Variants in VPS13D observed in about 807,000 individuals in gnomAD.
VPS13D encodes the protein vacuolar protein sorting 13 homolog D.
In VPS13D, 187 loss-of-function variants were observed where a neutral mutation model predicts 461.9. The observed-to-expected ratio is 0.40, with a 90% CI of 0.36 to 0.46. VPS13D has a LOEUF of 0.46. VPS13D is among the 20% of genes least tolerant of loss of function. The pLI, the probability that VPS13D is intolerant of heterozygous loss-of-function variation, is 0.60. For synonymous variants in VPS13D, 1,951 were observed against 1,986.3 expected (o/e 0.98, Z 0.47); for missense variants, 4,711 against 5,364.9 (o/e 0.88, Z 3.81).
chr1:12,345,487 A>T lies in VPS13D; in HGVS notation c.8999A>T (p.Asp3000Val). 6.2e-7 allele frequency: 1 copy of T among 1,613,330 alleles called. No individual in the cohort carries two copies. The highest frequency in any genetic ancestry group is 1.3e-5 in the African/African-American group (1 of 75,044). ...VGTFFRYAAP[D>V]KNSSSSTIGS... is the part of the protein sequence containing the mutation. ...ACCTTTTTTCGATATGCAGCACCAG[A>T]TAAAAATTCATCTTCCTCTACGGTG... Residue 3000 changes from aspartate (D) to valine (V), a missense_variant, in exon 43 of 70, where the codon GAT (aspartate) becomes GTT (valine). By Grantham distance (152) the Asp-to-Val change is radical. Around this residue, in one of 3 missense-constraint regions of VPS13D, gnomAD observed 4,411 missense variants for 4,937.8 expected, o/e 0.89. Coordinates refer to ENST00000620676, the MANE Select transcript of VPS13D (RefSeq NM_015378.4).
chr1:12,252,451 G>A (rs1640764713), intron 6 of VPS13D, among the ~76,000 whole-genome samples: 1 of 152,098 alleles, frequency 6.6e-6, no homozygotes, highest in African/African-American at 2.4e-5. Flanking sequence ...CCATATCCAT[G>A]GATTCCACCA....
At chr1:12,482,791 T>TATATGTATACATAGTATAC (rs1475844842) in intron 67 of VPS13D, among the ~76,000 whole-genome samples, 4 of 150,296 alleles carry the variant, frequency 2.7e-5, no homozygotes, top group African/African-American at 9.8e-5. Flanking sequence ...ATAGTATACA[T>TATATGTATACATAGTATAC]ATATATATAC....
chr1:12,490,240 C>T (rs1645858337), intron 67 of VPS13D, among the ~76,000 whole-genome samples: 1 of 152,182 alleles, frequency 6.6e-6, no homozygotes, highest in Admixed American at 6.5e-5. Context: ...GTCAGTAATT[C>T]CATTTAAGAA....
intron 2 of VPS13D, 59 bp from the exon 3 acceptor site, chr1:12,242,454 A>T: frequency 6.9e-7 from 1 of 1,457,594 alleles, no homozygotes; most frequent in Non-Finnish European, 9.6e-7. Context: ...CTTTACACAC[A>T]GTAGGTGGCC....
chr1:12,362,609 C>G, intron 50 of VPS13D, 111 bp from the exon 51 acceptor site: 2 of 1,050,256 alleles, frequency 1.9e-6, no homozygotes, highest in South Asian at 3.1e-5. Flanking sequence ...CTGGGTGATA[C>G]AGTTATTTTC....
intron 26 of VPS13D, 94 bp downstream of exon 26, chr1:12,304,822 AT>A (rs1642518026): frequency 1.6e-6 from 2 of 1,230,982 alleles, no homozygotes. Flanking sequence ...GTTCAAGCAA[AT>A]GTTAACGAAG....
In VPS13D at chr1:12,369,691, T is replaced by C. The variant is rs765359936; in HGVS notation, c.10797T>C (p.Tyr3599=). 3 of 1,613,834 alleles carry C rather than the reference T, an allele frequency of 1.9e-6. No individual in the cohort carries two copies. The highest frequency in any genetic ancestry group is 4.5e-5 in the East Asian group (2 of 44,890). ...YENFIYIAAT[Y]TFSGLQEGTG... is the part of the protein sequence containing the mutation. ...ATTTCATTTACATTGCTGCTACATA[T>C]ACATTCTCTGGGTAATTCTTGATTA... Residue 3599 remains tyrosine (Y), a synonymous_variant, in exon 54 of 70, where the codon TAT becomes TAC. Transcript: ENST00000620676.
chr1:12,450,247 T>C (rs1645245407), intron 65 of VPS13D, among the ~76,000 whole-genome samples: 1 of 152,180 alleles, frequency 6.6e-6, no homozygotes, highest in Non-Finnish European at 1.5e-5. Flanking sequence ...GGGTAAGATT[T>C]GATTCCTTTG....
intron 43 of VPS13D, among the ~76,000 whole-genome samples, 193 bp downstream of exon 43, chr1:12,345,702 C>G (rs1643660390): frequency 6.6e-6 from 1 of 152,146 alleles, no homozygotes; most frequent in South Asian, 2.1e-4. Flanking sequence ...AGTAGAAAAA[C>G]AAGATTTAAA....
At chr1:12,338,047 A>C in intron 39 of VPS13D, 184 bp from the exon 40 acceptor site, 2 of 520,004 alleles carry the variant, frequency 3.8e-6, no homozygotes, top group Non-Finnish European at 3.4e-6. Flanking sequence ...ACTAGCATAA[A>C]AATGTGTTCA....
intron 2 of VPS13D, among the ~76,000 whole-genome samples, chr1:12,237,984 C>T (rs376815858): frequency 4.0e-5 from 6 of 151,804 alleles, no homozygotes; most frequent in African/African-American, 9.7e-5. Context: ...GATGAAACCC[C>T]GTCTGTACTA....
Position 12,260,945 on chromosome 1 carries a change from CAG to C in VPS13D, c.1213_1214del. On this transcript the variant is annotated splice_acceptor_variant, in intron 11 of 69. Coordinates refer to ENST00000620676, the MANE Select transcript of VPS13D (RefSeq NM_015378.4). LOFTEE classifies it high-confidence loss of function. ...CATCTCTGCTCCTTTGTGATTGACA[CAG>C]AGTCTGCGGGAGCCTCAGTTTGATT... 6.2e-7 allele frequency: 1 copy of C among 1,614,018 alleles called. No individual in the cohort carries two copies. Among genetic ancestry groups the C allele is most frequent in the South Asian group, 1.1e-5 (1 of 91,074 alleles).
intron 13 of VPS13D, among the ~76,000 whole-genome samples, chr1:12,264,988 G>T (rs1641223915): frequency 6.6e-6 from 1 of 151,982 alleles, no homozygotes; most frequent in Admixed American, 6.6e-5. Flanking sequence ...AAATCCCAGG[G>T]CCCTTAAGAA....
chr1:12,305,318 A>G (rs1309403216), intron 26 of VPS13D, among the ~76,000 whole-genome samples: 1 of 151,802 alleles, frequency 6.6e-6, no homozygotes, highest in Admixed American at 6.6e-5. Context: ...ACTGTCTCCC[A>G]GGCTAGAGTG....
rs187404826 is a variant in VPS13D at position 12,285,270 on chromosome 1, T to G, written c.5634+1534T>G. ...TGCTGAAGTATTTTATTTTATGTAT[T>G]TATTTATTTATTTATTTATTTATTT... On this transcript the variant is annotated intron_variant, in intron 21 of 69. Transcript: ENST00000620676. Among the ~76,000 whole-genome samples, 286 of 140,436 alleles carry G rather than the reference T, an allele frequency of 2.0e-3. 3 individuals are homozygous for G. The highest frequency in any genetic ancestry group is 3.9e-3 in the African/African-American group (143 of 36,642). 92.1% of individuals were successfully genotyped at this position (140,436 alleles called of 152,430 possible).
chr1:12,254,587 A>T (rs1023797843), intron 7 of VPS13D, among the ~76,000 whole-genome samples: 2 of 122,962 alleles, frequency 1.6e-5, no homozygotes, highest in Non-Finnish European at 3.1e-5. Context: ...GCAGTGGCGT[A>T]ATCTTGGCTC....
rs1641830076 is a variant in VPS13D, at chr1:12,282,889, A to G, written c.4787A>G (p.His1596Arg). 1.2e-6 allele frequency: 2 copies of G among 1,613,970 alleles called. No individual in the cohort carries two copies. Among genetic ancestry groups the G allele is most frequent in the South Asian group, 1.1e-5 (1 of 91,082 alleles). The change falls in exon 21 of 70, where the codon CAC becomes CGC. Residue 1596 changes from histidine to arginine, a missense_variant. Transcript: ENST00000620676. ...VERKENGLFS[H>R]SSLSNTSQKS... ...AGGAAGGAGAATGGATTGTTCAGCC[A>G]CTCCAGCCTTTCTAACACCTCTCAG...
rs751284276 is a variant in VPS13D at position 12,349,109 on chromosome 1, A to G, written c.9221-55A>G. 8.0e-5 allele frequency: 129 copies of G among 1,611,742 alleles called. 1 individual carries two copies. In the Middle Eastern group the frequency reaches 1.2e-3, roughly 15 times the overall value. ...GTCTTCTTTTGTCCTGAGATGGTCA[A>G]TCTTTGGGGTGGAGGACCATTGCCT... On this transcript the variant is annotated intron_variant, in intron 45 of 69. Coordinates refer to ENST00000620676, the MANE Select transcript of VPS13D (RefSeq NM_015378.4).
chr1:12,267,911 C>T lies in VPS13D; in HGVS notation c.1792C>T (p.His598Tyr). The T allele has an allele frequency of 6.2e-7, 1 of 1,613,510 alleles. No individual in the cohort carries two copies. Among genetic ancestry groups the T allele is most frequent in the South Asian group, 1.1e-5 (1 of 90,970 alleles). The stretch of plus-strand genomic sequence containing the variant: ...AACTACATCTGCAGACAGAAGTGAT[C>T]ATTACCCAGGTAATTTGTCCTATGT... ...LQTTSADRSD[H>Y]YPAADPDGPV... The change falls in exon 15 of 70, where the codon CAT (histidine) becomes TAT (tyrosine). Residue 598 changes from histidine (H) to tyrosine (Y), a missense_variant. Transcript: ENST00000620676.
Sources: gnomAD v4.1 joint callset for allele counts (sites outside exome capture counted in the v4.1 genomes callset) on GRCh38, gnomAD v4.1.1 for gene constraint, gnomAD v4.1.1 regional missense constraint, MANE v1.5 for transcripts, NCBI Gene and HGNC (gene_info 2026-07-23, HGNC 2026-07-21) for gene names.